GRIK1: variants seen among roughly 807,000 people sequenced by gnomAD.
GRIK1 encodes the protein glutamate ionotropic receptor kainate type subunit 1.
GRIK1 carries 69 observed loss-of-function variants against 105.7 expected under a neutral mutation model. That is an observed-to-expected ratio of 0.65 (90% CI 0.54 to 0.80). The LOEUF is 0.80. GRIK1 is among the 30% of genes least tolerant of loss of function. The pLI is 0.00. For synonymous variants in GRIK1, 438 were observed against 431.3 expected (o/e 1.02, Z -0.19); for missense variants, 1,109 against 1,167.3 (o/e 0.95, Z 0.73).
chr21:29,573,607 T>C (rs964732283), intron 14 of GRIK1, among the ~76,000 whole-genome samples: 2 of 151,852 alleles, frequency 1.3e-5, no homozygotes, highest in African/African-American at 4.8e-5. Flanking sequence ...TCCAGCACTT[T>C]GGGAGGCCGA....
At chr21:29,611,678 T>C (rs1421419835) in intron 7 of GRIK1, among the ~76,000 whole-genome samples, 1 of 152,042 alleles carries the variant, frequency 6.6e-6, no homozygotes, top group African/African-American at 2.4e-5. Context: ...TCAGAACCAG[T>C]CTATCTCATG....
At chr21:29,740,272 C>T (rs1247008865) in intron 1 of GRIK1, among the ~76,000 whole-genome samples, 1 of 151,300 alleles carries the variant, frequency 6.6e-6, no homozygotes, top group Non-Finnish European at 1.5e-5. Context: ...GGCTGGAGTG[C>T]AGTGGCACAA....
intron 1 of GRIK1, among the ~76,000 whole-genome samples, chr21:29,872,561 G>C (rs752487191): frequency 1.3e-5 from 2 of 152,066 alleles, no homozygotes; most frequent in Non-Finnish European, 2.9e-5. Flanking sequence ...AATAAACCCT[G>C]TATTAGTCTG....
chr21:29,768,703 G>A (rs143987928), intron 1 of GRIK1, among the ~76,000 whole-genome samples: 65 of 152,318 alleles, frequency 4.3e-4, no homozygotes, highest in African/African-American at 1.5e-3. Context: ...GAAGAGAGAG[G>A]CAGCCAGACA....
intron 4 of GRIK1, among the ~76,000 whole-genome samples, chr21:29,670,997 T>C (rs182090016): frequency 6.6e-6 from 1 of 152,364 alleles, no homozygotes; most frequent in East Asian, 1.9e-4. Context: ...CATCTCATGG[T>C]GGAGAAAGCA....
intron 1 of GRIK1, among the ~76,000 whole-genome samples, chr21:29,904,326 A>T (rs1465846342): frequency 6.6e-6 from 1 of 151,814 alleles, no homozygotes; most frequent in Admixed American, 6.6e-5. Flanking sequence ...TTGGGAAAAA[A>T]AAGGACTCAA....
intron 1 of GRIK1, among the ~76,000 whole-genome samples, chr21:29,797,280 C>T (rs55897139): frequency 6.6e-6 from 1 of 152,138 alleles, no homozygotes; most frequent in East Asian, 1.9e-4. Context: ...GAGGAAGCCA[C>T]GCAGAAAGCA....
At position 29,779,575 on chromosome 21, in the gene GRIK1, A is replaced by G. The variant is rs147831156; in HGVS notation, c.119-85512T>C. ...ACATAATTATCTTTACCACCCACAAAAAGTGGACTTTAGGTCAATTGAAGA... is the reference window on the plus strand; with the variant it reads ...ACATAATTATCTTTACCACCCACAAGAAGTGGACTTTAGGTCAATTGAAGA... On this transcript the variant is annotated intron_variant, in intron 1 of 17. Transcript: ENST00000327783. 7.2e-3 allele frequency among the ~76,000 whole-genome samples: 1,099 copies of G among 152,254 alleles called. 40 individuals are homozygous for G. Among genetic ancestry groups the G allele is most frequent in the Admixed American group, 0.064 (982 of 15,282 alleles).
At chr21:29,555,375 A>G in intron 15 of GRIK1, 73 bp from the exon 16 acceptor site, 2 of 1,364,502 alleles carry the variant, frequency 1.5e-6, no homozygotes, top group East Asian at 4.6e-5. Flanking sequence ...CTTAATTATC[A>G]TCTTTGTCAT....
chr21:29,677,589 A>T (rs2063295789), intron 3 of GRIK1, among the ~76,000 whole-genome samples: 1 of 152,230 alleles, frequency 6.6e-6, no homozygotes, highest in African/African-American at 2.4e-5. Context: ...GGAGGAAAAA[A>T]AAAAAACCTC....
intron 1 of GRIK1, among the ~76,000 whole-genome samples, chr21:29,708,044 T>G (rs1189475716): frequency 6.6e-6 from 1 of 152,206 alleles, no homozygotes; most frequent in Non-Finnish European, 1.5e-5. Flanking sequence ...CAGTTTAGGC[T>G]TTTATTATGT....
chr21:29,798,087 A>T (rs767700785), intron 1 of GRIK1, among the ~76,000 whole-genome samples: 14 of 152,226 alleles, frequency 9.2e-5, no homozygotes, highest in Non-Finnish European at 2.1e-4. Context: ...CAACATGATG[A>T]GTCCTGAATA....
At chr21:29,579,995 A>ATATATATATGTG (rs2090982178) in intron 13 of GRIK1, among the ~76,000 whole-genome samples, 1 of 117,584 alleles carries the variant, frequency 8.5e-6, no homozygotes, top group African/African-American at 3.7e-5. Context: ...GTGTATATAT[A>ATATATATATGTG]TGTATATATA....
intron 15 of GRIK1, among the ~76,000 whole-genome samples, chr21:29,557,057 A>C (rs573288946): frequency 6.6e-6 from 1 of 152,194 alleles, no homozygotes; most frequent in African/African-American, 2.4e-5. Context: ...TTAATTATGT[A>C]AGGGTTGGAA....
intron 11 of GRIK1, 123 bp downstream of exon 11, chr21:29,588,716 A>G: frequency 1.5e-6 from 1 of 646,858 alleles, no homozygotes; most frequent in African/African-American, 1.8e-5. Context: ...AGGCTGTTTT[A>G]CTTTGCTTCT....
chr21:29,836,850 T>A (rs1426729051), intron 1 of GRIK1, among the ~76,000 whole-genome samples: 1 of 152,208 alleles, frequency 6.6e-6, no homozygotes, highest in Non-Finnish European at 1.5e-5. Context: ...TCTCTTCTAT[T>A]AAAATGGGGG....
At chr21:29,832,737 C>A (rs1409518491) in intron 1 of GRIK1, among the ~76,000 whole-genome samples, 1 of 152,192 alleles carries the variant, frequency 6.6e-6, no homozygotes, top group Non-Finnish European at 1.5e-5. Context: ...GGGCCTGTGA[C>A]AGGAGGAGAT....
chr21:29,938,464 C>T lies in GRIK1; in HGVS notation c.118+919G>A, dbSNP rs1396282661. On this transcript the variant is annotated intron_variant, in intron 1 of 17. Transcript: ENST00000327783. ...TTAAAAGGCGAAGAGCTGTGTCAACCCTCAAAGTTCAGAAATTGCCCTATG... is the reference window on the plus strand; with the variant it reads ...TTAAAAGGCGAAGAGCTGTGTCAACTCTCAAAGTTCAGAAATTGCCCTATG... 5.3e-5 allele frequency among the ~76,000 whole-genome samples: 8 copies of T among 152,298 alleles called. No homozygotes were observed. The East Asian group carries it at 1.5e-3, about 29-fold the overall frequency.
At chr21:29,851,375 C>A (rs1174400322) in intron 1 of GRIK1, among the ~76,000 whole-genome samples, 3 of 152,092 alleles carry the variant, frequency 2.0e-5, no homozygotes, top group Non-Finnish European at 4.4e-5. Context: ...TTTTTTGAGA[C>A]AAGAGAGTAG....
Sources: allele counts gnomAD v4.1 joint callset (sites outside exome capture counted in the v4.1 genomes callset), GRCh38; gene constraint gnomAD v4.1.1; transcripts MANE v1.5; gene names NCBI Gene and HGNC (gene_info 2026-07-23, HGNC 2026-07-21).